CDYL: variants seen among roughly 807,000 people sequenced by gnomAD.
CDYL encodes chromodomain Y like, also known as chromodomain Y-like protein.
Under a neutral mutation model 47.3 loss-of-function variants are expected in CDYL, and 8 were observed. The observed-to-expected ratio is 0.17, with a 90% confidence interval of 0.10 to 0.31. The LOEUF is 0.31. Among genes scored for constraint, CDYL ranks in the 10% least tolerant of loss-of-function variants. The pLI, the probability that CDYL is intolerant of heterozygous loss-of-function variation, is 1.00. For synonymous variants in CDYL, 266 were observed against 265.0 expected (o/e 1.00, Z -0.04); for missense variants, 471 against 701.4 (o/e 0.67, Z 3.71).
chr6:4,929,492 T>A (rs1487195974), intron 2 of CDYL, among the ~76,000 whole-genome samples: 1 of 26,682 alleles, frequency 3.7e-5, no homozygotes, highest in Admixed American at 4.7e-4. Flanking sequence ...AATGTTTTAC[T>A]TACACACACA....
chr6:4,947,981 T>C (rs1443334663), intron 5 of CDYL, among the ~76,000 whole-genome samples: 1 of 152,166 alleles, frequency 6.6e-6, no homozygotes, highest in Non-Finnish European at 1.5e-5. Context: ...ATCCAAGTCA[T>C]TTGCTTTGTC....
chr6:4,780,461 G>A (rs1758588384), intron 1 of CDYL, among the ~76,000 whole-genome samples: 1 of 135,408 alleles, frequency 7.4e-6, no homozygotes, highest in Admixed American at 8.8e-5. Context: ...TAGAGACAGG[G>A]TTTCACCTTG....
chr6:4,836,696 G>A (rs964320739), intron 1 of CDYL, among the ~76,000 whole-genome samples: 11 of 152,206 alleles, frequency 7.2e-5, no homozygotes, highest in Admixed American at 1.3e-4. Flanking sequence ...AGGCAGAAAA[G>A]AACTGTTTAT....
rs114700079 is a variant in CDYL at position 4,722,144 on chromosome 6, C to A, written c.103+6263C>A. ...TTGGGATTACAGGCATGAGCCACTG[C>A]GCCCGGCCAGAGAAATATTTTTTAA... On this transcript the variant is annotated intron_variant, in intron 2 of 8. Coordinates refer to the CDYL transcript ENST00000328908. Among the ~76,000 whole-genome samples the A allele has an allele frequency of 7.8e-3, 1,183 of 152,268 alleles. 8 individuals carry two copies. The highest frequency in any genetic ancestry group is 0.012 in the Non-Finnish European group (807 of 68,028).
chr6:4,788,087 T>C (rs982048554), intron 1 of CDYL, among the ~76,000 whole-genome samples: 8 of 152,056 alleles, frequency 5.3e-5, no homozygotes, highest in Non-Finnish European at 8.8e-5. Flanking sequence ...TCGAGTCTTA[T>C]AGTCATAATT....
At chr6:4,931,432 C>T (rs1201081398) in intron 2 of CDYL, among the ~76,000 whole-genome samples, 1 of 152,156 alleles carries the variant, frequency 6.6e-6, no homozygotes, top group African/African-American at 2.4e-5. Context: ...GCAGAAGAAA[C>T]TGGCCATTTG....
intron 1 of CDYL, among the ~76,000 whole-genome samples, chr6:4,843,899 C>T (rs76299138): frequency 2.6e-5 from 4 of 152,154 alleles, no homozygotes; most frequent in Non-Finnish European, 4.4e-5. Context: ...GTTAAAGAAC[C>T]TTGTTTTGTT....
intron 2 of CDYL, among the ~76,000 whole-genome samples, chr6:4,923,642 C>T (rs1757780502): frequency 6.6e-6 from 1 of 152,132 alleles, no homozygotes; most frequent in Non-Finnish European, 1.5e-5. Flanking sequence ...CCTGCATACT[C>T]TTTTCCATAA....
At chr6:4,909,365 C>G (rs1757337118) in intron 2 of CDYL, among the ~76,000 whole-genome samples, 1 of 152,130 alleles carries the variant, frequency 6.6e-6, no homozygotes, top group African/African-American at 2.4e-5. Context: ...AAAGCCATGC[C>G]CTCCCCTTTC....
At chr6:4,792,943 C>T (rs1271084976) in intron 1 of CDYL, among the ~76,000 whole-genome samples, 1 of 152,190 alleles carries the variant, frequency 6.6e-6, no homozygotes, top group Non-Finnish European at 1.5e-5. Flanking sequence ...CATCTCTCCC[C>T]ATTATTTGCC....
chr6:4,912,514 A>G (rs763456073), intron 2 of CDYL, among the ~76,000 whole-genome samples: 3 of 152,254 alleles, frequency 2.0e-5, no homozygotes, highest in Non-Finnish European at 4.4e-5. Context: ...AGCCAGGGTA[A>G]GAAGTTTGGG....
In CDYL at chr6:4,935,548, A is replaced by G. The variant is rs746042185; in HGVS notation, c.725A>G (p.Asn242Ser). 3.2e-5 allele frequency: 51 copies of G among 1,614,242 alleles called. 2 individuals are homozygous for G. In the Middle Eastern group the frequency reaches 3.5e-3, roughly 110 times the overall value. Residue 242 changes from asparagine (N) to serine (S), a missense_variant, in exon 3 of 7, where the codon AAT (asparagine) becomes AGT (serine). This residue lies in a region of CDYL where 311 missense variants were observed against 350.0 expected (regional missense o/e 0.89). Transcript: ENST00000397588. ...CCGTTCATGGATGCATTAACAGCCA[A>G]TGGGACAACCAACATACAGACATCT... Reference protein sequence around the residue: ...TSPFMDALTANGTTNIQTSVT... With the variant: ...TSPFMDALTASGTTNIQTSVT...
At chr6:4,851,019 G>C (rs997673591) in intron 1 of CDYL, among the ~76,000 whole-genome samples, 2 of 152,126 alleles carry the variant, frequency 1.3e-5, no homozygotes, top group Admixed American at 6.5e-5. Flanking sequence ...TGTGGCTCTC[G>C]ACTGACTAGT....
intron 5 of CDYL, among the ~76,000 whole-genome samples, chr6:4,945,975 G>A (rs576033766): frequency 1.3e-5 from 2 of 152,366 alleles, no homozygotes; most frequent in East Asian, 3.9e-4. Flanking sequence ...CAGAGGATAT[G>A]CCCATGCCTG....
chr6:4,860,050 C>T (rs1411093987), intron 1 of CDYL, among the ~76,000 whole-genome samples: 1 of 151,830 alleles, frequency 6.6e-6, no homozygotes, highest in Non-Finnish European at 1.5e-5. Context: ...CACAGGCGCC[C>T]GCCACTACCC....
At chr6:4,832,001 T>G (rs1291436844) in intron 1 of CDYL, among the ~76,000 whole-genome samples, 6 of 152,102 alleles carry the variant, frequency 3.9e-5, no homozygotes, top group Admixed American at 1.3e-4. Flanking sequence ...TTTCTAGATA[T>G]ACAATCATGT....
intron 1 of CDYL, among the ~76,000 whole-genome samples, chr6:4,795,139 T>C (rs1759034176): frequency 6.6e-6 from 1 of 150,430 alleles, no homozygotes; most frequent in Non-Finnish European, 1.5e-5. Flanking sequence ...GAATATTTGT[T>C]AGATGCTCTT....
At chr6:4,885,024 C>T (rs1305118015) in intron 1 of CDYL, among the ~76,000 whole-genome samples, 2 of 152,044 alleles carry the variant, frequency 1.3e-5, no homozygotes, top group Non-Finnish European at 2.9e-5. Flanking sequence ...GGCAGGGTCC[C>T]ACTCTGTCAC....
At chr6:4,952,494 C>T in intron 6 of CDYL, 85 bp downstream of exon 6, 1 of 1,460,306 alleles carries the variant, frequency 6.8e-7, no homozygotes, top group Non-Finnish European at 9.3e-7. Context: ...GCAATTATTC[C>T]TAAGTCCTTT....
Sources: gnomAD v4.1 joint callset for allele counts (sites outside exome capture counted in the v4.1 genomes callset) on GRCh38, gnomAD v4.1.1 for gene constraint, gnomAD v4.1.1 regional missense constraint, MANE v1.5 for transcripts, NCBI Gene and HGNC (gene_info 2026-07-23, HGNC 2026-07-21) for gene names.